The following CYP39A1 variants were observed in gnomAD, a reference collection of about 807,000 sequenced individuals.
The protein encoded by CYP39A1 is cytochrome P450 family 39 subfamily A member 1, also known as 24-hydroxycholesterol 7-alpha-hydroxylase.
In CYP39A1, 49 loss-of-function variants were observed where a neutral mutation model predicts 58.1. The observed-to-expected ratio is 0.84, with a 90% CI of 0.67 to 1.07. The LOEUF (loss-of-function observed/expected upper bound fraction) is 1.07, where lower values mean the gene tolerates loss of function less well. Among genes scored for constraint, CYP39A1 ranks in the 50% least tolerant of loss-of-function variants. CYP39A1 has a pLI of 0.00. For missense variants in CYP39A1, 531 were observed against 539.4 expected (o/e 0.98, Z 0.16); for synonymous variants, 209 against 187.6 (o/e 1.11, Z -0.93).
intron 10 of CYP39A1, among the ~76,000 whole-genome samples, chr6:46,569,858 C>A (rs1771485745): frequency 6.6e-6 from 1 of 151,838 alleles, no homozygotes; most frequent in Admixed American, 6.6e-5. Context: ...CCTTGTCTGA[C>A]TTTTGTGTCA....
chr6:46,567,583 C>A (rs1771363881), intron 10 of CYP39A1, among the ~76,000 whole-genome samples: 1 of 152,046 alleles, frequency 6.6e-6, no homozygotes, highest in South Asian at 2.1e-4. Context: ...TACATTCCCA[C>A]CAATAATGCA....
rs752426303 is a variant in CYP39A1 at position 46,550,392 on chromosome 6, G to A, written c.1384C>T (p.Arg462Ter). 15 of 1,612,206 alleles carry A rather than the reference G, an allele frequency of 9.3e-6. No homozygotes were observed. In the Admixed American group the frequency reaches 1.2e-4, roughly 13 times the overall value. ...CATATTCTTTGTTTATATTCAATTC[G>A]GCATTGCCCTTCCGGCTGGGGGACA... ...VGVPQPEGQC[R>*]IEYKQRI The change falls in exon 12 of 12, where the codon CGA (arginine) becomes TGA (stop). Residue 462 changes from arginine (R) to a stop codon, truncating the protein, a stop_gained. Transcript: ENST00000275016. LOFTEE classifies it high-confidence loss of function.
chr6:46,567,426 A>G (rs896512791), intron 10 of CYP39A1, among the ~76,000 whole-genome samples: 2 of 152,226 alleles, frequency 1.3e-5, no homozygotes, highest in African/African-American at 2.4e-5. Context: ...TGCTGCAATG[A>G]GCCTAGGAGG....
chr6:46,644,172 T>C (rs191868457), intron 1 of CYP39A1, among the ~76,000 whole-genome samples: 2 of 152,306 alleles, frequency 1.3e-5, no homozygotes, highest in East Asian at 3.9e-4. Flanking sequence ...CAACCACTAA[T>C]CTGTTCTCCA....
At position 46,639,679 on chromosome 6, in the gene CYP39A1, AG is replaced by A; in HGVS notation, c.314-12del. The A allele has an allele frequency of 1.2e-6, 2 of 1,603,882 alleles. No homozygotes were observed. Among genetic ancestry groups the A allele is most frequent in the Non-Finnish European group, 1.7e-6 (2 of 1,174,462 alleles). ...TCTTTGGAATTGATGCTATGAACAA[AG>A]AAAACTATTTTCAAAATAAGCAACA... On this transcript the variant is annotated splice_polypyrimidine_tract_variant and intron_variant, in intron 2 of 11. Transcript: ENST00000275016.
intron 11 of CYP39A1, among the ~76,000 whole-genome samples, 179 bp from the exon 12 acceptor site, chr6:46,550,616 G>A (rs1770341050): frequency 6.6e-6 from 1 of 152,094 alleles, no homozygotes; most frequent in Non-Finnish European, 1.5e-5. Flanking sequence ...CTTCCATTCA[G>A]GCAGAAGAAA....
chr6:46,609,228 C>A (rs1347851378), intron 7 of CYP39A1, among the ~76,000 whole-genome samples: 1 of 151,578 alleles, frequency 6.6e-6, no homozygotes, highest in Non-Finnish European at 1.5e-5. Context: ...TGTGAAACCC[C>A]ATCTGTGCTA....
intron 7 of CYP39A1, among the ~76,000 whole-genome samples, chr6:46,605,379 G>A (rs556178268): frequency 3.3e-5 from 5 of 152,180 alleles, no homozygotes; most frequent in Non-Finnish European, 7.3e-5. Flanking sequence ...TGATAACCTA[G>A]TAGAGTGTCA....
intron 6 of CYP39A1, among the ~76,000 whole-genome samples, chr6:46,629,280 T>C (rs889355080): frequency 6.6e-6 from 1 of 152,202 alleles, no homozygotes; most frequent in Non-Finnish European, 1.5e-5. Flanking sequence ...CAATGGGGCT[T>C]TGTGTGTCTT....
Position 46,645,000 on chromosome 6 carries a change from G to A in CYP39A1, c.178-2702C>T, listed in dbSNP as rs558342441. ...TTCTAACTGGATTTTGTATTATATT[G>A]TTGAGTGTTGACAGTTCTTTATATA... On this transcript the variant is annotated intron_variant, in intron 1 of 11. Coordinates refer to ENST00000275016, the MANE Select transcript of CYP39A1 (RefSeq NM_016593.5). Among the ~76,000 whole-genome samples, 294 of 152,142 alleles carry A rather than the reference G, an allele frequency of 1.9e-3. 1 individual carries two copies. Among genetic ancestry groups the A allele is most frequent in the African/African-American group, 6.7e-3 (280 of 41,526 alleles).
Position 46,587,068 on chromosome 6 carries a change from C to G in CYP39A1, c.1250+9G>C, listed in dbSNP as rs1162127963. The G allele has an allele frequency of 6.2e-7, 1 of 1,604,504 alleles. No homozygotes were observed. On this transcript the variant is annotated intron_variant, in intron 10 of 11. Coordinates refer to ENST00000275016, the MANE Select transcript of CYP39A1 (RefSeq NM_016593.5). ...TTCTGGATAAATGTGGCCCAGCTGTCTCACTGACCTTGCAGGACACTGGAA... is the reference window on the plus strand; with the variant it reads ...TTCTGGATAAATGTGGCCCAGCTGTGTCACTGACCTTGCAGGACACTGGAA...
chr6:46,564,319 A>T (rs1185154061), intron 10 of CYP39A1, among the ~76,000 whole-genome samples: 1 of 151,486 alleles, frequency 6.6e-6, no homozygotes, highest in Non-Finnish European at 1.5e-5. Flanking sequence ...TCAGCCTCCC[A>T]AGTAGCTGGG....
chr6:46,589,852 G>A (rs568398701), intron 8 of CYP39A1, among the ~76,000 whole-genome samples: 2 of 152,092 alleles, frequency 1.3e-5, no homozygotes, highest in African/African-American at 2.4e-5. Flanking sequence ...CCTTCCCACC[G>A]CAAAGTCCTC....
intron 7 of CYP39A1, among the ~76,000 whole-genome samples, chr6:46,598,643 G>A (rs1773312566): frequency 6.6e-6 from 1 of 152,168 alleles, no homozygotes; most frequent in African/African-American, 2.4e-5. Flanking sequence ...ATATGTAACA[G>A]ATATCATTGC....
Position 46,590,013 on chromosome 6 carries a change from T to C in CYP39A1, c.1066-1884A>G, listed in dbSNP as rs3778487. Among the ~76,000 whole-genome samples the C allele has an allele frequency of 2.6e-3, 392 of 152,268 alleles. 7 individuals carry two copies. The East Asian group carries it at 0.069, about 27-fold the overall frequency. On this transcript the variant is annotated intron_variant, in intron 8 of 11. Transcript: ENST00000275016. ...GGAGGAGACAAGAAAGAGGTGCCTGTTGCAGCAGCAGCAACTGCCAGACTG... is the reference window on the plus strand; with the variant it reads ...GGAGGAGACAAGAAAGAGGTGCCTGCTGCAGCAGCAGCAACTGCCAGACTG...
intron 1 of CYP39A1, among the ~76,000 whole-genome samples, chr6:46,647,560 G>A (rs183781958): frequency 1.3e-5 from 2 of 152,292 alleles, no homozygotes; most frequent in South Asian, 2.1e-4. Flanking sequence ...ACACCTGTTG[G>A]TGGGAGGTAG....
At position 46,573,725 on chromosome 6, in the gene CYP39A1, T is replaced by C. The variant is rs142343504; in HGVS notation, c.1250+13352A>G. ...GGCTCAGGAGTGTATAGAACATCTATGGCACCTGGAGAACAGGGCCATAAT... is the reference window on the plus strand; with the variant it reads ...GGCTCAGGAGTGTATAGAACATCTACGGCACCTGGAGAACAGGGCCATAAT... On this transcript the variant is annotated intron_variant, in intron 10 of 11. Coordinates refer to ENST00000275016, the MANE Select transcript of CYP39A1 (RefSeq NM_016593.5). Among the ~76,000 whole-genome samples, 488 of 152,304 alleles carry C rather than the reference T, an allele frequency of 3.2e-3. 3 individuals carry two copies. Among genetic ancestry groups the C allele is most frequent in the South Asian group, 0.019 (90 of 4,822 alleles).
intron 10 of CYP39A1, chr6:46,583,313 C>A (rs1772255860): frequency 2.0e-6 from 2 of 985,344 alleles, no homozygotes; most frequent in Non-Finnish European, 1.2e-6. Flanking sequence ...CATCCTCTTG[C>A]AGGAATTAGA....
chr6:46,625,385 A>C (rs1775249294), intron 7 of CYP39A1, 33 bp downstream of exon 7: 5 of 1,438,672 alleles, frequency 3.5e-6, no homozygotes, highest in Non-Finnish European at 4.8e-6. Flanking sequence ...ATGCATTATT[A>C]GCTGTGTCTT....
Sources: allele counts gnomAD v4.1 joint callset (sites outside exome capture counted in the v4.1 genomes callset), GRCh38; gene constraint gnomAD v4.1.1; transcripts MANE v1.5; gene names NCBI Gene and HGNC (gene_info 2026-07-23, HGNC 2026-07-21).